The following USP16 variants were observed in gnomAD, a reference collection of about 807,000 sequenced individuals.
USP16 encodes ubiquitin specific peptidase 16, also known as ubiquitin carboxyl-terminal hydrolase 16.
Under a neutral mutation model 95.9 loss-of-function variants are expected in USP16, and 77 were observed. That is an observed-to-expected ratio of 0.80 (90% CI 0.67 to 0.97). The LOEUF (loss-of-function observed/expected upper bound fraction) is 0.97. Among genes scored for constraint, USP16 ranks in the 50% least tolerant of loss-of-function variants. The probability of loss-of-function intolerance (pLI) is 0.00; values close to 1 mark genes in which losing one functional copy is unlikely to be tolerated. For missense variants in USP16, 943 were observed against 959.9 expected, an observed-to-expected ratio of 0.98 and a Z score of 0.23; for synonymous variants, 303 against 318.2, an observed-to-expected ratio of 0.95 and a Z score of 0.51.
chr21:29,051,572 T>C (rs549171776), intron 16 of USP16, among the ~76,000 whole-genome samples: 24 of 152,334 alleles, frequency 1.6e-4, no homozygotes, highest in African/African-American at 5.5e-4. Context: ...GGCTTACGCC[T>C]GTAATGCCAA....
intron 3 of USP16, among the ~76,000 whole-genome samples, chr21:29,034,207 A>C (rs2085118667): frequency 6.6e-6 from 1 of 151,922 alleles, no homozygotes; most frequent in Non-Finnish European, 1.5e-5. Context: ...TGTTTAGGAG[A>C]CTGTTAAGGA....
chr21:29,043,860 T>C (rs962288458), intron 13 of USP16, among the ~76,000 whole-genome samples: 3 of 152,206 alleles, frequency 2.0e-5, no homozygotes, highest in Non-Finnish European at 2.9e-5. Context: ...AACTTAATTT[T>C]CGAGTTAATA....
At chr21:29,042,239 G>A (rs2085255660) in intron 11 of USP16, 135 bp downstream of exon 11, 3 of 870,666 alleles carry the variant, frequency 3.4e-6, no homozygotes, top group South Asian at 3.8e-5. Flanking sequence ...GATGTGCATG[G>A]TTCTTTGTGG....
chr21:29,051,151 G>A (rs1406052991), intron 16 of USP16, among the ~76,000 whole-genome samples: 1 of 152,172 alleles, frequency 6.6e-6, no homozygotes, highest in African/African-American at 2.4e-5. Flanking sequence ...GGCCTGGCAC[G>A]ACAGATGGGA....
At chr21:29,050,239 G>A in intron 16 of USP16, 61 bp downstream of exon 16, 1 of 1,449,908 alleles carries the variant, frequency 6.9e-7, no homozygotes, top group Non-Finnish European at 9.6e-7. Context: ...CTTACCTAAT[G>A]CTCCAGTAGC....
At chr21:29,038,280 A>T in intron 6 of USP16, 55 bp from the exon 7 acceptor site, 1 of 1,194,064 alleles carries the variant, frequency 8.4e-7, no homozygotes, top group South Asian at 1.3e-5. Context: ...AAGAAGTGTC[A>T]GAGTTGATTT....
intron 9 of USP16, 80 bp downstream of exon 9, chr21:29,039,648 A>G: frequency 7.3e-7 from 1 of 1,372,248 alleles, no homozygotes; most frequent in Non-Finnish European, 9.8e-7. Flanking sequence ...ACGAGTTAAA[A>G]CAATGAAAGC....
chr21:29,042,561 A>AT (rs756603313), intron 12 of USP16, 33 bp downstream of exon 12: 45 of 1,567,108 alleles, frequency 2.9e-5, no homozygotes, highest in African/African-American at 4.2e-5. Flanking sequence ...ATTCAAGTAG[A>AT]TTTTTTTTCC....
chr21:29,035,483 C>T (rs2085140934), intron 4 of USP16, among the ~76,000 whole-genome samples: 1 of 151,440 alleles, frequency 6.6e-6, no homozygotes, highest in Admixed American at 6.6e-5. Context: ...AAGCAATTCT[C>T]CTGCCTCAGC....
intron 6 of USP16, 26 bp from the exon 7 acceptor site, chr21:29,038,309 T>A: frequency 2.0e-6 from 3 of 1,501,690 alleles, no homozygotes; most frequent in Non-Finnish European, 9.2e-7. Context: ...ATAATTTTTC[T>A]CTTTTTTTTT....
chr21:29,045,697 C>T (rs1191920100), intron 13 of USP16, among the ~76,000 whole-genome samples: 2 of 152,248 alleles, frequency 1.3e-5, no homozygotes, highest in Admixed American at 1.3e-4. Flanking sequence ...AGTACTCTGC[C>T]TGGATTACTT....
intron 16 of USP16, 52 bp from the exon 17 acceptor site, chr21:29,053,750 A>G: frequency 6.4e-7 from 1 of 1,573,538 alleles, no homozygotes; most frequent in African/African-American, 1.4e-5. Flanking sequence ...TGCCCATGAC[A>G]TCTGTGTAAA....
chr21:29,044,583 G>A (rs894682808), intron 13 of USP16, among the ~76,000 whole-genome samples: 1 of 151,918 alleles, frequency 6.6e-6, no homozygotes, highest in African/African-American at 2.4e-5. Context: ...AAGTAGCTGG[G>A]ATTACAGGCA....
rs1555860262 is a variant in USP16, at chr21:29,054,132, C to T, written c.2417C>T (p.Thr806Ile). 2.5e-6 allele frequency: 4 copies of T among 1,614,078 alleles called. No individual in the cohort carries two copies. In the African/African-American group the frequency reaches 4.0e-5, roughly 16 times the overall value. Residue 806 changes from threonine to isoleucine, a missense_variant, in exon 18 of 18, where the codon ACA becomes ATA. Thr to Ile is a moderately conservative substitution (Grantham distance 89). Transcript: ENST00000399976. ...ISDTHVQAVP[T>I]TKVLNSQAYL... is the part of the protein sequence containing the mutation. ...GACACACATGTGCAAGCTGTGCCTA[C>T]AACTAAAGTACTAAACTCACAAGCG...
chr21:29,045,229 C>A (rs2085305238), intron 13 of USP16, among the ~76,000 whole-genome samples: 1 of 151,942 alleles, frequency 6.6e-6, no homozygotes, highest in Admixed American at 6.6e-5. Flanking sequence ...TGTTTGGTTC[C>A]CATCCTGTTT....
In USP16 at chr21:29,040,676, ATAAAGT is replaced by A. The variant is rs752266289; in HGVS notation, c.1025_1030del (p.Val342_Lys343del). On this transcript the variant is annotated inframe_deletion, in exon 10 of 18. Transcript: ENST00000399976. ...GAAAAGTTGGATGAAGAACTAAAAA[ATAAAGT>A]TAAAGGTAATGTCTGACTTTTTGAA... The A allele has an allele frequency of 5.0e-5, 76 of 1,533,852 alleles. 1 individual carries two copies. In the Admixed American group the frequency reaches 5.7e-4, roughly 11 times the overall value.
chr21:29,034,984 A>G (rs766368554), intron 4 of USP16, 44 bp downstream of exon 4: 3 of 1,536,432 alleles, frequency 2.0e-6, no homozygotes, highest in Admixed American at 1.8e-5. Flanking sequence ...ATTATTTGAA[A>G]TATTAGAGAA....
Position 29,037,296 on chromosome 21 carries a change from A to G in USP16, c.469A>G (p.Ile157Val). ...TAAAGCAGAGAAAGATAATGGAAAT[A>G]TTGAACTTGAAAATAAAAAATTAGA... ...PKPAEKDNGN[I>V]ELENKKLEKE... The change falls in exon 6 of 18, where the codon ATT (isoleucine) becomes GTT (valine). Residue 157 changes from isoleucine (I) to valine (V), a missense_variant. Physicochemically the swap from Ile to Val is conservative, Grantham distance 29. Coordinates refer to ENST00000399976, the MANE Select transcript of USP16 (RefSeq NM_006447.3). The G allele has an allele frequency of 1.9e-6, 3 of 1,542,830 alleles. No homozygotes were observed. The highest frequency in any genetic ancestry group is 2.6e-6 in the Non-Finnish European group (3 of 1,134,150).
intron 6 of USP16, among the ~76,000 whole-genome samples, 178 bp downstream of exon 6, chr21:29,037,641 A>G (rs926604472): frequency 6.2e-5 from 8 of 129,778 alleles, no homozygotes; most frequent in African/African-American, 2.4e-4. Flanking sequence ...GCTGGAGTGC[A>G]GTGGCACGAT....
Sources: allele counts gnomAD v4.1 joint callset (sites outside exome capture counted in the v4.1 genomes callset), GRCh38; gene constraint gnomAD v4.1.1; transcripts MANE v1.5; gene names NCBI Gene and HGNC (gene_info 2026-07-23, HGNC 2026-07-21).